The following HERC2 variants were observed in gnomAD, a reference collection of about 807,000 sequenced individuals.
HERC2 encodes HECT and RLD domain containing E3 ubiquitin protein ligase 2.
Under a neutral mutation model 537.7 loss-of-function variants are expected in HERC2, and 102 were observed. The ratio of observed to expected loss-of-function variants is 0.19; its 90% CI spans 0.16 to 0.22. The LOEUF (loss-of-function observed/expected upper bound fraction) is 0.22, where lower values mean the gene tolerates loss of function less well. Ranked by LOEUF, HERC2 falls within the 10% of genes least tolerant of loss-of-function variation. The pLI, the probability that HERC2 is intolerant of heterozygous loss-of-function variation, is 1.00. For missense variants in HERC2, 4,236 were observed against 6,198.2 expected, an observed-to-expected ratio of 0.68 and a Z score of 10.63; for synonymous variants, 2,224 against 2,466.2, an observed-to-expected ratio of 0.90 and a Z score of 2.91.
At position 28,112,301 on chromosome 15, in the gene HERC2, C is replaced by G. The variant is rs563056575; in HGVS notation, c.14233-266G>C. Among the ~76,000 whole-genome samples, 3 of 152,176 alleles carry G rather than the reference C, an allele frequency of 2.0e-5. No homozygotes were observed. In the East Asian group the frequency reaches 5.8e-4, roughly 30 times the overall value. On this transcript the variant is annotated intron_variant, in intron 92 of 92. Transcript: ENST00000261609. ...GAGGACCACACCACCTGTGTGGATG[C>G]GGGGCGGCCTGGCTGGCGGAGGACC...
chr15:28,178,466 T>C (rs1895507217), intron 59 of HERC2, among the ~76,000 whole-genome samples: 1 of 152,226 alleles, frequency 6.6e-6, no homozygotes, highest in South Asian at 2.1e-4. Context: ...TTTCCTGTTA[T>C]GCAAGTTACA....
intron 3 of HERC2, among the ~76,000 whole-genome samples, chr15:28,294,344 C>A (rs1183703464): frequency 6.6e-6 from 1 of 150,954 alleles, no homozygotes; most frequent in East Asian, 1.9e-4. Context: ...ACAAAGCCCA[C>A]ACAAGATAAA....
At position 28,196,311 on chromosome 15, in the gene HERC2, T is replaced by C. The variant is rs775990645; in HGVS notation, c.8164A>G (p.Lys2722Glu). ...QMFPINGSRF[K>E]CRNCDDFDFC... ...TCAAAGTCATCACAGTTTCTGCATT[T>C]GAATCTGGATCCATTGATAGGAAAC... Residue 2722 changes from lysine to glutamate, a missense_variant, in exon 52 of 93, where the codon AAA becomes GAA. Lys to Glu is a moderately conservative substitution (Grantham distance 56). Coordinates refer to ENST00000261609, the MANE Select transcript of HERC2 (RefSeq NM_004667.6). 1.4e-6 allele frequency: 2 copies of C among 1,449,148 alleles called. No homozygotes were observed. The highest frequency in any genetic ancestry group is 2.5e-5 in the South Asian group (2 of 81,556). 89.8% of individuals were successfully genotyped at this position (1,449,148 alleles called of 1,614,324 possible).
At chr15:28,249,279 G>C (rs951560130) in intron 20 of HERC2, among the ~76,000 whole-genome samples, 1 of 152,182 alleles carries the variant, frequency 6.6e-6, no homozygotes, top group Non-Finnish European at 1.5e-5. Context: ...GCACTGGGGT[G>C]GGCCATGCAG....
In HERC2 at chr15:28,214,180, G is replaced by A. The variant is rs200377671; in HGVS notation, c.6451C>T (p.Arg2151Cys). Residue 2151 changes from arginine (R) to cysteine (C), a missense_variant, in exon 41 of 93, where the codon CGC (arginine) becomes TGC (cysteine). This residue lies in a region of HERC2 where 365 missense variants were observed against 468.8 expected (regional missense o/e 0.78). Transcript: ENST00000261609. Reference sequence around the variant, plus strand: ...CACTGAGTCAGGGAGTGCAGCGTGCGCAGCAGTGCCACCACCTCCTCCGCC... The same window carrying A: ...CACTGAGTCAGGGAGTGCAGCGTGCACAGCAGTGCCACCACCTCCTCCGCC... ...TLAEEVVALL[R>C]TLHSLTQWNG... 1.1e-5 allele frequency: 18 copies of A among 1,612,786 alleles called. No homozygotes were observed. Among genetic ancestry groups the A allele is most frequent in the East Asian group, 8.9e-5 (4 of 44,890 alleles).
intron 2 of HERC2, chr15:28,315,523 C>A: frequency 2.5e-6 from 1 of 398,098 alleles, no homozygotes; most frequent in Non-Finnish European, 5.0e-6. Context: ...AACAGCCGGG[C>A]ACGGTTCATG....
intron 52 of HERC2, among the ~76,000 whole-genome samples, chr15:28,195,069 A>G (rs1052507349): frequency 6.0e-5 from 9 of 151,210 alleles, no homozygotes; most frequent in Non-Finnish European, 1.3e-4. Flanking sequence ...AAAAAAAAAA[A>G]TTAAAATATG....
intron 68 of HERC2, 92 bp from the exon 69 acceptor site, chr15:28,163,377 G>A: frequency 1.8e-6 from 2 of 1,121,788 alleles, no homozygotes; most frequent in Non-Finnish European, 2.6e-6. Context: ...GAGAACACAT[G>A]AATACCAACG....
chr15:28,300,563 C>A (rs1252282712), intron 2 of HERC2, among the ~76,000 whole-genome samples: 2 of 150,836 alleles, frequency 1.3e-5, no homozygotes, highest in South Asian at 2.1e-4. Context: ...TGGCTCACAC[C>A]CGTAATCCCA....
intron 55 of HERC2, 129 bp from the exon 56 acceptor site, chr15:28,186,881 A>G: frequency 1.8e-6 from 1 of 559,518 alleles, no homozygotes; most frequent in Admixed American, 3.1e-5. Flanking sequence ...AGTTCTGGAA[A>G]TATCAACTGA....
chr15:28,289,575 A>G lies in HERC2; in HGVS notation c.322+3313T>C, dbSNP rs183842097. Among the ~76,000 whole-genome samples the G allele has an allele frequency of 4.0e-3, 609 of 151,958 alleles. 3 individuals carry two copies. Among genetic ancestry groups the G allele is most frequent in the Admixed American group, 0.014 (214 of 15,238 alleles). On this transcript the variant is annotated intron_variant, in intron 4 of 92. Transcript: ENST00000261609. ...CCTGGGAAATAAAGCCAGTCGCTGG[A>G]GCTGATCTCCCCAGAACGCTGAGAC...
rs72714137 is a variant in HERC2 at position 28,144,025 on chromosome 15, G to A, written c.11300-34C>T. 2.9e-3 allele frequency: 4,672 copies of A among 1,614,152 alleles called. 9 individuals are homozygous for A. Among genetic ancestry groups the A allele is most frequent in the Non-Finnish European group, 3.6e-3 (4,297 of 1,180,032 alleles). On this transcript the variant is annotated intron_variant, in intron 73 of 92. Coordinates refer to ENST00000261609, the MANE Select transcript of HERC2 (RefSeq NM_004667.6). ...AGCAGAGAGAAAGTATCAGAAGTCT[G>A]ATGGTTTCTTCCAAGCAGGAAGACA...
chr15:28,212,259 A>C (rs1267453595), intron 43 of HERC2, among the ~76,000 whole-genome samples, 186 bp downstream of exon 43: 1 of 152,190 alleles, frequency 6.6e-6, no homozygotes, highest in Non-Finnish European at 1.5e-5. Flanking sequence ...TGGCGACAAA[A>C]GCTGACTCGA....
At chr15:28,142,477 C>A (rs926890211) in intron 75 of HERC2, 84 bp from the exon 76 acceptor site, 2 of 1,372,692 alleles carry the variant, frequency 1.5e-6, no homozygotes, top group African/African-American at 2.9e-5. Flanking sequence ...TTCCGCAGGA[C>A]CTCCTATTCC....
chr15:28,215,474 T>A (rs61460557), intron 39 of HERC2, 147 bp downstream of exon 39: 1 of 597,448 alleles, frequency 1.7e-6, no homozygotes, highest in Non-Finnish European at 3.0e-6. Flanking sequence ...CAAGGACCTC[T>A]GCCCCTTGCC....
In HERC2 at chr15:28,270,777, G is replaced by A. The variant is rs780970472; in HGVS notation, c.1175C>T (p.Thr392Met). 20 of 1,613,950 alleles carry A rather than the reference G, an allele frequency of 1.2e-5. No homozygotes were observed. Among genetic ancestry groups the A allele is most frequent in the East Asian group, 2.2e-5 (1 of 44,882 alleles). The part of the protein sequence containing the change: ...DNELAIDLRQ[T>M]AVVVMAHLDR... ...TAAATGGGCCATGACAACAACCGCC[G>A]TTTGTCGCAGATCAATGGCAAGCTC... Residue 392 changes from threonine to methionine, a missense_variant, in exon 10 of 93, where the codon ACG becomes ATG. By Grantham distance (81) the Thr-to-Met change is moderately conservative (BLOSUM62 -1). Coordinates refer to ENST00000261609, the MANE Select transcript of HERC2 (RefSeq NM_004667.6).
intron 68 of HERC2, among the ~76,000 whole-genome samples, chr15:28,164,692 G>A (rs540880168): frequency 6.6e-6 from 1 of 152,110 alleles, no homozygotes; most frequent in Admixed American, 6.5e-5. Flanking sequence ...TTAAATTCAT[G>A]AGTCAAGCCA....
intron 65 of HERC2, among the ~76,000 whole-genome samples, chr15:28,170,961 T>C (rs1320098011): frequency 1.3e-5 from 2 of 152,232 alleles, no homozygotes; most frequent in African/African-American, 4.8e-5. Context: ...TCTATCAGTA[T>C]GGCTACATTT....
chr15:28,318,224 A>C (rs2077140882), intron 2 of HERC2, among the ~76,000 whole-genome samples: 1 of 152,172 alleles, frequency 6.6e-6, no homozygotes, highest in Non-Finnish European at 1.5e-5. Flanking sequence ...TTTCACTGTA[A>C]AAATAAAAAG....
Sources: allele counts gnomAD v4.1 joint callset (sites outside exome capture counted in the v4.1 genomes callset), GRCh38; gene constraint gnomAD v4.1.1; regional missense constraint gnomAD v4.1.1; transcripts MANE v1.5; gene names NCBI Gene and HGNC (gene_info 2026-07-23, HGNC 2026-07-21).